ADAMTS16: variants seen among roughly 807,000 people sequenced by gnomAD.
ADAMTS16 encodes the protein A disintegrin and metalloproteinase with thrombospondin motifs 16.
ADAMTS16 carries 94 observed loss-of-function variants against 145.8 expected under a neutral mutation model. The observed-to-expected ratio is 0.64, with a 90% CI of 0.55 to 0.77. The LOEUF (loss-of-function observed/expected upper bound fraction) is 0.77, where lower values mean the gene tolerates loss of function less well. Among genes scored for constraint, ADAMTS16 ranks in the 30% least tolerant of loss-of-function variants. The pLI is 0.00. For missense variants in ADAMTS16, 1,585 were observed against 1,591.5 expected (o/e 1.00, Z 0.07); for synonymous variants, 659 against 604.3 (o/e 1.09, Z -1.33).
chr5:5,234,001 C>G (rs1486311640), intron 12 of ADAMTS16, among the ~76,000 whole-genome samples: 1 of 152,184 alleles, frequency 6.6e-6, no homozygotes, highest in Non-Finnish European at 1.5e-5. Flanking sequence ...CTCGCCAGCA[C>G]CTGTTATCTT....
intron 8 of ADAMTS16, 110 bp from the exon 9 acceptor site, chr5:5,200,022 A>T: frequency 7.7e-7 from 1 of 1,307,074 alleles, no homozygotes; most frequent in Non-Finnish European, 1.0e-6. Context: ...TGCCTAGCAT[A>T]TAGGGGTGAG....
At chr5:5,299,911 A>G (rs1739702628) in intron 18 of ADAMTS16, among the ~76,000 whole-genome samples, 1 of 152,248 alleles carries the variant, frequency 6.6e-6, no homozygotes. Flanking sequence ...ACATTAGCAC[A>G]GAAGCTTGCG....
chr5:5,264,499 C>G (rs1212335756), intron 18 of ADAMTS16, among the ~76,000 whole-genome samples: 1 of 152,172 alleles, frequency 6.6e-6, no homozygotes, highest in African/African-American at 2.4e-5. Flanking sequence ...GCTGGGTACT[C>G]TCCCCGAGGC....
chr5:5,315,237 G>C lies in ADAMTS16; in HGVS notation c.3412-2897G>C, dbSNP rs562143125. Among the ~76,000 whole-genome samples, 12 of 152,266 alleles carry C rather than the reference G, an allele frequency of 7.9e-5. No homozygotes were observed. The East Asian group carries it at 1.7e-3, about 22-fold the overall frequency. On this transcript the variant is annotated intron_variant, in intron 21 of 22. Transcript: ENST00000274181. ...TCACTATCACAAGAACAGCATGGGGGTAATTGCCCCCGTGATTCAGTTACT... is the reference window on the plus strand; with the variant it reads ...TCACTATCACAAGAACAGCATGGGGCTAATTGCCCCCGTGATTCAGTTACT...
intron 18 of ADAMTS16, among the ~76,000 whole-genome samples, chr5:5,291,013 C>T (rs1030491496): frequency 1.1e-4 from 17 of 152,166 alleles, no homozygotes; most frequent in African/African-American, 4.1e-4. Flanking sequence ...TTGTTTTCTG[C>T]ATTCTTTCAA....
At chr5:5,239,382 C>A (rs1454876866) in intron 15 of ADAMTS16, 108 bp downstream of exon 15, 1 of 1,436,456 alleles carries the variant, frequency 7.0e-7, no homozygotes, top group Non-Finnish European at 9.3e-7. Context: ...CCTTCCGCTG[C>A]CTCGCTTCCT....
rs749924565 is a variant in ADAMTS16, at chr5:5,159,768, T to C, written c.501+13313T>C. Among the ~76,000 whole-genome samples, 97 of 152,210 alleles carry C rather than the reference T, an allele frequency of 6.4e-4. 3 individuals carry two copies. The highest frequency in any genetic ancestry group is 2.2e-4 in the Non-Finnish European group (15 of 68,038). On this transcript the variant is annotated intron_variant, in intron 3 of 22. Transcript: ENST00000274181. ...CAAGCTATTTAAAATGTGAGAGTGT[T>C]CTGCAATGTTTAGAGCCATTGCTGA...
chr5:5,162,040 T>A (rs1487900392), intron 3 of ADAMTS16, among the ~76,000 whole-genome samples: 2 of 152,216 alleles, frequency 1.3e-5, no homozygotes, highest in African/African-American at 4.8e-5. Context: ...CTAATTTCCA[T>A]ACTTGGTTGT....
chr5:5,313,804 T>C (rs1033081060), intron 21 of ADAMTS16, among the ~76,000 whole-genome samples: 7 of 152,132 alleles, frequency 4.6e-5, no homozygotes, highest in African/African-American at 1.4e-4. Context: ...ACACACAGAG[T>C]GCATGGAGAT....
intron 18 of ADAMTS16, among the ~76,000 whole-genome samples, chr5:5,272,818 C>G (rs150547377): frequency 6.6e-6 from 1 of 152,314 alleles, no homozygotes; most frequent in Non-Finnish European, 1.5e-5. Flanking sequence ...TTTAGCAAAT[C>G]TACTATGCAT....
intron 21 of ADAMTS16, among the ~76,000 whole-genome samples, chr5:5,314,976 C>T (rs971084954): frequency 6.6e-6 from 1 of 152,082 alleles, no homozygotes; most frequent in Non-Finnish European, 1.5e-5. Context: ...GGGAGGTGGG[C>T]GATTGTATTA....
Position 5,140,647 on chromosome 5 carries a change from G to A in ADAMTS16, c.73-17G>A, listed in dbSNP as rs868831353. 5 of 1,538,486 alleles carry A rather than the reference G, an allele frequency of 3.2e-6. No individual in the cohort carries two copies. Among genetic ancestry groups the A allele is most frequent in the Non-Finnish European group, 4.4e-6 (5 of 1,146,772 alleles). On this transcript the variant is annotated splice_polypyrimidine_tract_variant and intron_variant, in intron 1 of 22. Transcript: ENST00000274181. ...GACCCCGCCGTCTCACCGCGATGTC[G>A]CCGCTGTTTTCCGCAGGCACCTGCG...
Position 5,190,014 on chromosome 5 carries a change from G to T in ADAMTS16, c.1091G>T (p.Ser364Ile), listed in dbSNP as rs772111270. ...CACCACGCAGACCACACCTTAAGTA[G>T]CTTCTGCCAGTGGCAGTCTGGATTG... ...ISHHADHTLS[S>I]FCQWQSGLMG... is the part of the protein sequence containing the mutation. Residue 364 changes from serine to isoleucine, a missense_variant, in exon 7 of 23, where the codon AGC becomes ATC. Ser to Ile is a moderately radical substitution (Grantham distance 142). Coordinates refer to ENST00000274181, the MANE Select transcript of ADAMTS16 (RefSeq NM_139056.4). 9.3e-6 allele frequency: 15 copies of T among 1,612,648 alleles called. No homozygotes were observed. Among genetic ancestry groups the T allele is most frequent in the Non-Finnish European group, 1.3e-5 (15 of 1,179,448 alleles).
At chr5:5,286,801 T>C (rs1739120168) in intron 18 of ADAMTS16, among the ~76,000 whole-genome samples, 1 of 135,264 alleles carries the variant, frequency 7.4e-6, no homozygotes, top group Non-Finnish European at 1.5e-5. Flanking sequence ...GAGTTTGCAG[T>C]GAGCCGAGAT....
intron 3 of ADAMTS16, among the ~76,000 whole-genome samples, chr5:5,162,420 G>T (rs1210278342): frequency 6.6e-6 from 1 of 152,182 alleles, no homozygotes; most frequent in Non-Finnish European, 1.5e-5. Flanking sequence ...TCAGTGTAAA[G>T]GCTGAGCATT....
chr5:5,229,122 C>A (rs1298307646), intron 11 of ADAMTS16, among the ~76,000 whole-genome samples: 2 of 151,624 alleles, frequency 1.3e-5, no homozygotes, highest in African/African-American at 4.9e-5. Context: ...CACGGTGAAA[C>A]CCCGTCTCTA....
At chr5:5,273,152 G>C (rs553063454) in intron 18 of ADAMTS16, among the ~76,000 whole-genome samples, 1 of 152,158 alleles carries the variant, frequency 6.6e-6, no homozygotes. Flanking sequence ...GTACCTGTTT[G>C]CCCTCCACTG....
intron 9 of ADAMTS16, among the ~76,000 whole-genome samples, chr5:5,202,499 T>G (rs993051298): frequency 1.3e-5 from 2 of 152,168 alleles, no homozygotes; most frequent in Non-Finnish European, 2.9e-5. Flanking sequence ...AGCTGGGGAT[T>G]GTTAGCATTG....
chr5:5,260,501 G>A (rs1737972915), intron 17 of ADAMTS16, among the ~76,000 whole-genome samples: 2 of 152,190 alleles, frequency 1.3e-5, no homozygotes, highest in East Asian at 3.9e-4. Context: ...CCACTTACCT[G>A]GGTTAAATAT....
Sources: allele counts gnomAD v4.1 joint callset (sites outside exome capture counted in the v4.1 genomes callset), GRCh38; gene constraint gnomAD v4.1.1; transcripts MANE v1.5; gene names NCBI Gene and HGNC (gene_info 2026-07-23, HGNC 2026-07-21).